Variants in RGS3 observed in about 807,000 individuals in gnomAD.
RGS3 encodes regulator of G protein signaling 3, also known as regulator of G-protein signalling 3.
Under a neutral mutation model 132.6 loss-of-function variants are expected in RGS3, and 80 were observed. That is an observed-to-expected ratio of 0.60 (90% CI 0.50 to 0.73). The LOEUF (loss-of-function observed/expected upper bound fraction) is 0.73, where lower values mean the gene tolerates loss of function less well. RGS3 is among the 30% of genes least tolerant of loss of function. RGS3 has a pLI of 0.00. For synonymous variants in RGS3, 598 were observed against 620.6 expected, an observed-to-expected ratio of 0.96 and a Z score of 0.54; for missense variants, 1,382 against 1,530.8, an observed-to-expected ratio of 0.90 and a Z score of 1.62.
rs779938234 is a variant in RGS3, at chr9:113,596,789, C to T, written c.3433C>T (p.Arg1145Trp). ...CCAGGTCAACCTGGACTCCTACACG[C>T]GGGAGCACACCAAGGACAACCTGCA... The change falls in exon 25 of 25, where the codon CGG becomes TGG. Residue 1145 changes from arginine to tryptophan, a missense_variant. Coordinates refer to ENST00000350696, the Ensembl canonical transcript of RGS3. The T allele has an allele frequency of 8.1e-6, 13 of 1,611,788 alleles. No homozygotes were observed. The highest frequency in any genetic ancestry group is 5.3e-5 in the African/African-American group (4 of 74,876).
At chr9:113,514,704 A>AG in intron 15 of RGS3, 50 bp downstream of exon 13, 1 of 1,582,300 alleles carries the variant, frequency 6.3e-7, no homozygotes, top group Non-Finnish European at 8.6e-7. Context: ...ACGGAGAAAG[A>AG]GGAGGGCCCT....
In RGS3 at chr9:113,593,851, G is replaced by T. The variant is rs1348171955; in HGVS notation, c.3081-579G>T. ...CCCGGTGGTGGGCAGTGCCTCCCCT[G>T]GCTCCCTCCTTCCCTTTCAGCAATT... On this transcript the variant is annotated intron_variant, in intron 21 of 24. Transcript: ENST00000350696. 7.4e-6 allele frequency: 11 copies of T among 1,479,318 alleles called. No homozygotes were observed. In the East Asian group the frequency reaches 1.8e-4, roughly 25 times the overall value. The allele number at this position is 1,479,318 out of a possible 1,614,324, so 91.6% of individuals were successfully genotyped here.
intron 1 of RGS3, among the ~76,000 whole-genome samples, chr9:113,447,323 GTATATGTATATATATA>G (rs1564431312): frequency 0.06 from 1,770 of 29,398 alleles, 171 homozygotes; most frequent in African/African-American, 0.15. Context: ...TCTGATGTAT[GTATATGTATATATATA>G]TATATATATA....
At chr9:113,456,775 TAATAA>T (rs1318806087), upstream of RGS3, among the ~76,000 whole-genome samples, 1 of 152,178 alleles carries the variant, frequency 6.6e-6, no homozygotes, top group African/African-American at 2.4e-5. Context: ...AATCTCCTTA[TAATAA>T]AATATGCAGC....
At chr9:113,526,303 C>G (rs1219006791) in intron 17 of RGS3, among the ~76,000 whole-genome samples, 1 of 152,180 alleles carries the variant, frequency 6.6e-6, no homozygotes, top group Non-Finnish European at 1.5e-5. Context: ...TTGGTTAGTC[C>G]TCATTTTCTG....
chr9:113,520,542 GTTTTTT>G (rs768805637), intron 16 of RGS3, among the ~76,000 whole-genome samples: 1 of 127,428 alleles, frequency 7.8e-6, no homozygotes, highest in Non-Finnish European at 1.7e-5. Context: ...GGCCTGGGCT[GTTTTTT>G]TTTTTTTTTT....
In RGS3 at chr9:113,482,965, G is replaced by A. The variant is rs148565639; in HGVS notation, c.467-94G>A. ...CTTTTCTTTTCAGGTCTCTTTATTC[G>A]TGTGGATGGATATGTCTATGTGTGT... is the stretch of plus-strand genomic sequence containing the variant. On this transcript the variant is annotated intron_variant, in intron 4 of 24. Transcript: ENST00000350696. 250 of 1,603,082 alleles carry A rather than the reference G, an allele frequency of 1.6e-4. No individual in the cohort carries two copies. The African/African-American group carries it at 3.0e-3, about 19-fold the overall frequency.
intron 3 of RGS3, among the ~76,000 whole-genome samples, chr9:113,470,145 A>C (rs557993918): frequency 6.8e-6 from 1 of 146,696 alleles, no homozygotes; most frequent in African/African-American, 2.6e-5. Context: ...TCCTGACCTC[A>C]GGTGATCCAC....
intron 20 of RGS3, among the ~76,000 whole-genome samples, chr9:113,585,467 T>C (rs1383603223): frequency 6.6e-6 from 1 of 152,158 alleles, no homozygotes; most frequent in African/African-American, 2.4e-5. Context: ...GTGCAAGGTG[T>C]TGGTGTGAGG....
At chr9:113,447,490 T>A (rs1038055862) in intron 1 of RGS3, among the ~76,000 whole-genome samples, 3 of 150,790 alleles carry the variant, frequency 2.0e-5, no homozygotes, top group African/African-American at 7.3e-5. Context: ...ATGTATAAAA[T>A]TTTTTGGGGG....
Position 113,594,885 on chromosome 9 carries a change from G to GT in RGS3, c.3183-33dup, listed in dbSNP as rs776397340. On this transcript the variant is annotated intron_variant, in intron 22 of 24. Transcript: ENST00000350696. The stretch of plus-strand genomic sequence containing the variant: ...TCCCCCAAGGTTCCCAAGCCTCTCA[G>GT]TGCCCTCACTGTGTTTCCTCCCTCA... 59 of 1,605,562 alleles carry GT rather than the reference G, an allele frequency of 3.7e-5. No homozygotes were observed. The East Asian group carries it at 1.1e-3, about 29-fold the overall frequency.
At chr9:113,475,935 CTTTT>C (rs1281543051) in intron 3 of RGS3, among the ~76,000 whole-genome samples, 1 of 151,292 alleles carries the variant, frequency 6.6e-6, no homozygotes, top group Non-Finnish European at 1.5e-5. Context: ...TTTTCTTTTT[CTTTT>C]TTTTCCTTTG....
intron 19 of RGS3, among the ~76,000 whole-genome samples, chr9:113,538,890 G>A (rs1403900840): frequency 6.6e-6 from 1 of 152,166 alleles, no homozygotes; most frequent in Non-Finnish European, 1.5e-5. Flanking sequence ...CCCCACTTGG[G>A]CCACCCTCCT....
At chr9:113,482,052 A>C (rs555360182) in intron 4 of RGS3, among the ~76,000 whole-genome samples, 5 of 151,922 alleles carry the variant, frequency 3.3e-5, no homozygotes, top group African/African-American at 9.6e-5. Flanking sequence ...ATCTCAAAAA[A>C]AAAAAAAACA....
chr9:113,452,022 AG>A (rs1451052146), intron 1 of RGS3, among the ~76,000 whole-genome samples: 3 of 151,990 alleles, frequency 2.0e-5, no homozygotes, highest in African/African-American at 7.3e-5. Context: ...CTTAAGAGTC[AG>A]GGGGTCACTC....
chr9:113,465,153 G>T (rs1182931798), intron 3 of RGS3, among the ~76,000 whole-genome samples: 1 of 152,232 alleles, frequency 6.6e-6, no homozygotes, highest in South Asian at 2.1e-4. Flanking sequence ...GGGATGCAGG[G>T]CTCTGTGAGA....
intron 18 of RGS3, among the ~76,000 whole-genome samples, chr9:113,535,089 C>G (rs1832624544): frequency 1.3e-5 from 2 of 152,176 alleles, no homozygotes; most frequent in African/African-American, 4.8e-5. Context: ...TCATTTACCT[C>G]TTTATTTCCA....
At chr9:113,527,224 C>A (rs560357416) in intron 17 of RGS3, among the ~76,000 whole-genome samples, 7 of 152,344 alleles carry the variant, frequency 4.6e-5, no homozygotes, top group African/African-American at 1.4e-4. Context: ...GAGTGTTCCC[C>A]CAACCTCAGC....
At chr9:113,574,844 CA>C (rs954812814) in intron 19 of RGS3, among the ~76,000 whole-genome samples, 1 of 152,206 alleles carries the variant, frequency 6.6e-6, no homozygotes, top group African/African-American at 2.4e-5. Flanking sequence ...AGCAGAGCCC[CA>C]GGGGGCCTGG....
Sources: gnomAD v4.1 joint callset for allele counts (sites outside exome capture counted in the v4.1 genomes callset) on GRCh38, gnomAD v4.1.1 for gene constraint, MANE v1.5 for transcripts, NCBI Gene and HGNC (gene_info 2026-07-23, HGNC 2026-07-21) for gene names.